ARG2: variants seen among roughly 807,000 people sequenced by gnomAD.
ARG2 encodes arginase 2.
A neutral mutation model predicts 39.4 loss-of-function variants in ARG2; 21 were observed. That is an observed-to-expected ratio of 0.53 (90% CI 0.38 to 0.77). The LOEUF is 0.77. Ranked by LOEUF, ARG2 falls within the 30% of genes least tolerant of loss-of-function variation. ARG2 has a pLI of 0.00. For synonymous variants in ARG2, 150 were observed against 156.7 expected, an observed-to-expected ratio of 0.96 and a Z score of 0.32; for missense variants, 378 against 426.2, an observed-to-expected ratio of 0.89 and a Z score of 1.00.
chr14:67,646,301 T>A (rs1163404394), intron 4 of ARG2: 5 of 258,608 alleles, frequency 1.9e-5, no homozygotes, highest in African/African-American at 1.1e-4. Context: ...GCAACCAGGT[T>A]ATGCTTCAAG....
chr14:67,634,785 C>T (rs1446812798), intron 2 of ARG2, among the ~76,000 whole-genome samples: 3 of 152,134 alleles, frequency 2.0e-5, no homozygotes, highest in Non-Finnish European at 4.4e-5. Flanking sequence ...GAGGCAGAAC[C>T]TAAGAGATTA....
At chr14:67,647,284 T>C (rs1402763665) in intron 6 of ARG2, 1 of 363,654 alleles carries the variant, frequency 2.7e-6, no homozygotes, top group South Asian at 5.8e-5. Flanking sequence ...GCTTATCTTC[T>C]GAGATGACAA....
In ARG2 at chr14:67,650,985, G is replaced by A; in HGVS notation, c.*65G>A. 6 of 1,472,306 alleles carry A rather than the reference G, an allele frequency of 4.1e-6. No homozygotes were observed. The highest frequency in any genetic ancestry group is 1.2e-5 in the South Asian group (1 of 86,094). The allele number at this position is 1,472,306 out of a possible 1,614,324, so 91.2% of individuals were successfully genotyped here. On this transcript the variant is annotated 3_prime_UTR_variant, in exon 8 of 8. Transcript: ENST00000261783. ...AGAATTATGAGGCATTGAGGGGATA[G>A]ATGAATACTAAATGGTTGTCTGGGT...
At chr14:67,649,483 G>A (rs2037144437) in intron 7 of ARG2, 2 of 151,952 alleles carry the variant, frequency 1.3e-5, no homozygotes, top group South Asian at 4.2e-4. Context: ...TAATTTATAG[G>A]GTGGCAATAG....
chr14:67,642,793 CTTTTTTTT>C (rs869215946), intron 3 of ARG2, among the ~76,000 whole-genome samples: 21 of 75,550 alleles, frequency 2.8e-4, no homozygotes, highest in South Asian at 6.3e-4. Context: ...ACTACATTTT[CTTTTTTTT>C]TTTTTTTTTT....
intron 2 of ARG2, among the ~76,000 whole-genome samples, chr14:67,634,106 A>G (rs554152393): frequency 2.8e-4 from 43 of 152,302 alleles, no homozygotes; most frequent in African/African-American, 9.9e-4. Context: ...GTTGAAGGAA[A>G]AAAGGAAGCA....
intron 7 of ARG2, chr14:67,650,091 C>CAAGTACA (rs1256506594): frequency 6.6e-6 from 1 of 152,324 alleles, no homozygotes; most frequent in African/African-American, 2.4e-5. Flanking sequence ...TTCTCTTGAT[C>CAAGTACA]AAGTACAAGA....
At chr14:67,623,421 T>C (rs528560463) in intron 2 of ARG2, among the ~76,000 whole-genome samples, 1 of 152,158 alleles carries the variant, frequency 6.6e-6, no homozygotes. Context: ...GGTGTTACCA[T>C]AGCATGAGTT....
In ARG2 at chr14:67,650,784, C is replaced by T. The variant is rs1224044318; in HGVS notation, c.929C>T (p.Thr310Ile). ...QLATSEEEAK[T>I]TANLAVDVIA... ...GCCACCTCAGAGGAAGAGGCGAAGACTACAGCTAACCTGGCAGTAGATGTG... is the reference window on the plus strand; with the variant it reads ...GCCACCTCAGAGGAAGAGGCGAAGATTACAGCTAACCTGGCAGTAGATGTG... The change falls in exon 8 of 8, where the codon ACT (threonine) becomes ATT (isoleucine). Residue 310 changes from threonine to isoleucine, a missense_variant. Coordinates refer to ENST00000261783, the MANE Select transcript of ARG2 (RefSeq NM_001172.4). The T allele has an allele frequency of 6.2e-7, 1 of 1,614,058 alleles. No homozygotes were observed. Among genetic ancestry groups the T allele is most frequent in the Non-Finnish European group, 8.5e-7 (1 of 1,180,038 alleles).
At chr14:67,620,176 G>A (rs1180169517) in intron 1 of ARG2, 88 bp downstream of exon 1, 2 of 928,580 alleles carry the variant, frequency 2.2e-6, no homozygotes, top group Non-Finnish European at 3.2e-6. Flanking sequence ...GGGACCGGGA[G>A]GCGAGGAGAG....
Position 67,642,376 on chromosome 14 carries a change from C to T in ARG2, c.362+13C>T, listed in dbSNP as rs745395805. On this transcript the variant is annotated intron_variant, in intron 3 of 7. Transcript: ENST00000261783. ...GAGGAGACCACAGGTAAGCTGGGAG[C>T]CAGGCGTGGTGAGGGGATGGATTAC... The T allele has an allele frequency of 1.9e-6, 3 of 1,612,610 alleles. No homozygotes were observed. Among genetic ancestry groups the T allele is most frequent in the Admixed American group, 1.7e-5 (1 of 59,946 alleles).
At chr14:67,634,247 G>T (rs529479586) in intron 2 of ARG2, among the ~76,000 whole-genome samples, 1 of 151,954 alleles carries the variant, frequency 6.6e-6, no homozygotes, top group African/African-American at 2.4e-5. Context: ...TTTTTAAAAC[G>T]TATGACTCAA....
chr14:67,651,184 TA>T lies in ARG2; in HGVS notation c.*265del. On this transcript the variant is annotated 3_prime_UTR_variant, in exon 8 of 8. Transcript: ENST00000261783. ...TCATAAACAGCATTTATTACCTTGG[TA>T]TATCATACTGGTCTTGTTGCTGTTG... 9.6e-7 allele frequency: 1 copy of T among 1,040,812 alleles called. No homozygotes were observed. Among genetic ancestry groups the T allele is most frequent in the Non-Finnish European group, 1.4e-6 (1 of 736,966 alleles). 64.5% of individuals were successfully genotyped at this position (1,040,812 alleles called of 1,614,324 possible).
In ARG2 at chr14:67,651,441, G is replaced by A. The variant is rs148719194; in HGVS notation, c.*521G>A. The A allele has an allele frequency of 7.4e-6, 12 of 1,613,904 alleles. No individual in the cohort carries two copies. The South Asian group carries it at 1.1e-4, about 15-fold the overall frequency. On this transcript the variant is annotated 3_prime_UTR_variant, in exon 8 of 8. Transcript: ENST00000261783. Reference sequence around the variant, plus strand: ...AGGCCTCCCAGGATGGCGAGCTCCAGTAAGATGATAATGGAAAGCAGCAGC... The same window carrying A: ...AGGCCTCCCAGGATGGCGAGCTCCAATAAGATGATAATGGAAAGCAGCAGC...
intron 2 of ARG2, among the ~76,000 whole-genome samples, chr14:67,625,117 G>C (rs1221192431): frequency 6.6e-6 from 1 of 151,684 alleles, no homozygotes; most frequent in Non-Finnish European, 1.5e-5. Flanking sequence ...GGAAAGAATA[G>C]TCTTCAGTAA....
intron 2 of ARG2, among the ~76,000 whole-genome samples, chr14:67,621,416 T>C (rs146888869): frequency 4.9e-4 from 74 of 152,308 alleles, no homozygotes; most frequent in African/African-American, 1.3e-3. Flanking sequence ...ACTGATCTTA[T>C]ATAGAACTAA....
At chr14:67,633,048 C>T (rs1312953899) in intron 2 of ARG2, among the ~76,000 whole-genome samples, 1 of 151,870 alleles carries the variant, frequency 6.6e-6, no homozygotes, top group Non-Finnish European at 1.5e-5. Flanking sequence ...TCTCGATCTC[C>T]TGACCTCGTG....
chr14:67,648,742 T>C (rs11622441), intron 7 of ARG2: 19,464 of 152,280 alleles, frequency 0.13, 1,303 homozygotes, highest in East Asian at 0.22. Flanking sequence ...TTATCAAGAC[T>C]GGCTACTTTT....
chr14:67,649,405 G>C (rs1055267448), intron 7 of ARG2: 3 of 152,124 alleles, frequency 2.0e-5, no homozygotes, highest in African/African-American at 7.2e-5. Flanking sequence ...GGTTGAGGCT[G>C]CAGTGAGCCA....
Sources: allele counts gnomAD v4.1 joint callset (sites outside exome capture counted in the v4.1 genomes callset), GRCh38; gene constraint gnomAD v4.1.1; transcripts MANE v1.5; gene names NCBI Gene and HGNC (gene_info 2026-07-23, HGNC 2026-07-21).